The following NINL variants were observed in gnomAD, a reference collection of about 807,000 sequenced individuals.
The protein encoded by NINL is ninein like.
In NINL, 153 loss-of-function variants were observed where a neutral mutation model predicts 160.3. The ratio of observed to expected loss-of-function variants is 0.95; its 90% CI spans 0.84 to 1.09. The LOEUF is 1.09. Among genes scored for constraint, NINL ranks in the 50% least tolerant of loss-of-function variants. The pLI, the probability that NINL is intolerant of heterozygous loss-of-function variation, is 0.00. For missense variants in NINL, 1,829 were observed against 1,764.0 expected (o/e 1.04, Z -0.66); for synonymous variants, 800 against 734.8 (o/e 1.09, Z -1.43).
intron 8 of NINL, among the ~76,000 whole-genome samples, chr20:25,498,709 T>A (rs1425741666): frequency 6.6e-6 from 1 of 152,228 alleles, no homozygotes; most frequent in South Asian, 2.1e-4. Flanking sequence ...TGAAATAATC[T>A]ATTTTAAGGA....
rs1438462863 is a variant in NINL at position 25,561,476 on chromosome 20, G to A, written c.-12+23979C>T. Reference sequence around the variant, plus strand: ...CTACCCCGTCTGGGAAATGAGGAGCGTCTCTGCCTGGCCGCCCATCGTCTG... The same window carrying A: ...CTACCCCGTCTGGGAAATGAGGAGCATCTCTGCCTGGCCGCCCATCGTCTG... On this transcript the variant is annotated intron_variant, in intron 1 of 23. Coordinates refer to ENST00000278886, the MANE Select transcript of NINL (RefSeq NM_025176.6). Among the ~76,000 whole-genome samples the A allele has an allele frequency of 4.6e-5, 7 of 152,262 alleles. No individual in the cohort carries two copies. The East Asian group carries it at 7.7e-4, about 17-fold the overall frequency.
intron 1 of NINL, among the ~76,000 whole-genome samples, chr20:25,542,465 T>G (rs1426834646): frequency 6.7e-6 from 1 of 149,818 alleles, no homozygotes; most frequent in Admixed American, 6.6e-5. Flanking sequence ...ACAGAAAAAA[T>G]GGCCAAAAAC....
chr20:25,504,936 C>A lies in NINL; in HGVS notation c.660G>T (p.Glu220Asp). Reference sequence around the variant, plus strand: ...CGACGCTCTGGCAGACCACAGCCAGCTCCTGCTCGCTCAGGTGTCCGCTGC... The same window carrying A: ...CGACGCTCTGGCAGACCACAGCCAGATCCTGCTCGCTCAGGTGTCCGCTGC... ...VGSSGHLSEQ[E>D]LAVVCQSVGL... Residue 220 changes from glutamate (E) to aspartate (D), a missense_variant, in exon 6 of 24, where the codon GAG becomes GAT. Transcript: ENST00000278886. The A allele has an allele frequency of 6.2e-7, 1 of 1,612,510 alleles. No individual in the cohort carries two copies. The highest frequency in any genetic ancestry group is 1.3e-5 in the African/African-American group (1 of 74,990).
intron 21 of NINL, among the ~76,000 whole-genome samples, chr20:25,459,151 A>G (rs181042610): frequency 2.6e-5 from 4 of 152,328 alleles, no homozygotes; most frequent in East Asian, 1.9e-4. Flanking sequence ...TTGGCACCCT[A>G]TAAGAACTGG....
chr20:25,471,972 A>C (rs1213859321), intron 17 of NINL, among the ~76,000 whole-genome samples: 1 of 152,198 alleles, frequency 6.6e-6, no homozygotes, highest in Non-Finnish European at 1.5e-5. Context: ...CAGGTATTGG[A>C]CTTATTAGAC....
intron 2 of NINL, among the ~76,000 whole-genome samples, chr20:25,520,390 C>A (rs1019631603): frequency 6.6e-6 from 1 of 152,250 alleles, no homozygotes; most frequent in Non-Finnish European, 1.5e-5. Flanking sequence ...GAGCACACCT[C>A]TGTTGCTGCC....
At chr20:25,495,095 A>G (rs2063724911) in intron 10 of NINL, among the ~76,000 whole-genome samples, 2 of 152,124 alleles carry the variant, frequency 1.3e-5, no homozygotes, top group Non-Finnish European at 2.9e-5. Flanking sequence ...CACAGGAGAC[A>G]CACCACAGCT....
At chr20:25,570,338 T>C (rs1385543826) in intron 1 of NINL, among the ~76,000 whole-genome samples, 2 of 152,162 alleles carry the variant, frequency 1.3e-5, no homozygotes, top group African/African-American at 4.8e-5. Flanking sequence ...CGGTTTCTCA[T>C]GGGTAAGCAC....
intron 11 of NINL, among the ~76,000 whole-genome samples, chr20:25,491,038 T>C (rs532118924): frequency 1.3e-5 from 2 of 152,370 alleles, no homozygotes; most frequent in Non-Finnish European, 2.9e-5. Flanking sequence ...TGGGTGTTCC[T>C]GGTTTCTGGG....
At chr20:25,480,342 T>C in intron 14 of NINL, 75 bp from the exon 15 acceptor site, 2 of 1,158,360 alleles carry the variant, frequency 1.7e-6, no homozygotes, top group East Asian at 2.4e-5. Flanking sequence ...TCCAATCTGA[T>C]ATTTTGGCAT....
intron 17 of NINL, among the ~76,000 whole-genome samples, chr20:25,472,537 CTTT>C (rs113318349): frequency 7.9e-6 from 1 of 126,870 alleles, no homozygotes; most frequent in Non-Finnish European, 1.7e-5. Context: ...GAAAATATTT[CTTT>C]TTTTTTTTTT....
At chr20:25,454,427 G>T (rs1332821987) in intron 23 of NINL, among the ~76,000 whole-genome samples, 1 of 152,136 alleles carries the variant, frequency 6.6e-6, no homozygotes, top group Non-Finnish European at 1.5e-5. Context: ...TGTTGCTGGC[G>T]AGACGGGCAA....
intron 1 of NINL, among the ~76,000 whole-genome samples, chr20:25,573,230 G>A (rs1280293121): frequency 6.6e-6 from 1 of 151,554 alleles, no homozygotes; most frequent in Non-Finnish European, 1.5e-5. Context: ...CTGGGAGGCG[G>A]AGGCTGCAGT....
In NINL at chr20:25,513,023, A is replaced by C; in HGVS notation, c.278-17T>G. 6.3e-7 allele frequency: 1 copy of C among 1,590,686 alleles called. No homozygotes were observed. The highest frequency in any genetic ancestry group is 8.6e-7 in the Non-Finnish European group (1 of 1,164,242). On this transcript the variant is annotated splice_polypyrimidine_tract_variant and intron_variant, in intron 3 of 23. Transcript: ENST00000278886. The stretch of plus-strand genomic sequence containing the variant: ...TGGAGGCAGCTGGAAAGGAAACAGG[A>C]AATTTGGTGGGGGTCCTTTATAGCA...
intron 19 of NINL, among the ~76,000 whole-genome samples, chr20:25,463,237 G>A (rs1204049129): frequency 2.0e-5 from 3 of 152,042 alleles, no homozygotes; most frequent in African/African-American, 4.8e-5. Flanking sequence ...TGCCATGACC[G>A]TCCAAACCAC....
chr20:25,498,122 G>A (rs548375266), intron 9 of NINL, 88 bp downstream of exon 9: 8 of 1,493,722 alleles, frequency 5.4e-6, no homozygotes, highest in South Asian at 1.2e-5. Context: ...GATAAGAGCT[G>A]ACTGGTGTCC....
intron 21 of NINL, 59 bp from the exon 22 acceptor site, chr20:25,458,588 A>T (rs774548924): frequency 2.7e-6 from 4 of 1,461,800 alleles, no homozygotes; most frequent in Non-Finnish European, 3.6e-6. Flanking sequence ...ACAGAGGAGC[A>T]CCCTCTCCAT....
chr20:25,568,337 A>G (rs1160398516), intron 1 of NINL, among the ~76,000 whole-genome samples: 2 of 152,068 alleles, frequency 1.3e-5, no homozygotes, highest in East Asian at 3.9e-4. Context: ...ATTTAGGAGT[A>G]CTAAATAATA....
chr20:25,507,224 CA>C (rs371134207), intron 5 of NINL, among the ~76,000 whole-genome samples: 130 of 149,514 alleles, frequency 8.7e-4, no homozygotes, highest in African/African-American at 3.2e-3. Context: ...GAGTTAGCAT[CA>C]AAGTCTAGTT....
Sources: allele counts gnomAD v4.1 joint callset (sites outside exome capture counted in the v4.1 genomes callset), GRCh38; gene constraint gnomAD v4.1.1; transcripts MANE v1.5; gene names NCBI Gene and HGNC (gene_info 2026-07-23, HGNC 2026-07-21).